GNG7: variants seen among roughly 807,000 people sequenced by gnomAD.
GNG7 encodes the protein G protein subunit gamma 7, also known as guanine nucleotide-binding protein G(I)/G(S)/G(O) subunit gamma-7.
GNG7 carries 1 observed loss-of-function variant against 4.0 expected under a neutral mutation model. The observed-to-expected ratio is 0.25, with a 90% CI of 0.09 to 1.18. The LOEUF (loss-of-function observed/expected upper bound fraction) is 1.18, where lower values mean the gene tolerates loss of function less well. GNG7 is among the 50% of genes most tolerant of loss of function. GNG7 has a pLI of 0.50. For synonymous variants in GNG7, 34 were observed against 36.9 expected (o/e 0.92, Z 0.29); for missense variants, 86 against 91.9 (o/e 0.94, Z 0.26).
intron 2 of GNG7, among the ~76,000 whole-genome samples, chr19:2,630,191 T>G (rs959294741): frequency 1.3e-4 from 20 of 152,276 alleles, no homozygotes; most frequent in African/African-American, 4.6e-4. Flanking sequence ...GTGAAGGTCC[T>G]GCTGATTCGG....
intron 3 of GNG7, among the ~76,000 whole-genome samples, chr19:2,553,578 C>A (rs917376704): frequency 2.7e-5 from 4 of 148,972 alleles, no homozygotes; most frequent in South Asian, 2.1e-4. Flanking sequence ...TAAATCATAT[C>A]ACATACACGC....
intron 3 of GNG7, among the ~76,000 whole-genome samples, chr19:2,545,521 C>A (rs1279856309): frequency 6.6e-6 from 1 of 151,668 alleles, no homozygotes; most frequent in Admixed American, 6.6e-5. Flanking sequence ...CATGGTAGCG[C>A]ATGCCTGTAA....
rs1982894355 is a variant in GNG7, at chr19:2,653,946, C to T, written c.-134-7666G>A. Reference sequence around the variant, plus strand: ...ACAGCTCTCGCCTGCCTCGGCGAGCCCGGGTTCCAGAAGATGTGCCCAGCA... The same window carrying T: ...ACAGCTCTCGCCTGCCTCGGCGAGCTCGGGTTCCAGAAGATGTGCCCAGCA... On this transcript the variant is annotated intron_variant, in intron 1 of 4. Coordinates refer to ENST00000382159, the MANE Select transcript of GNG7 (RefSeq NM_052847.3). This position sits in a 1 kb window ranked among gnomAD's most constrained non-coding sequence, Gnocchi z 4.8. Among the ~76,000 whole-genome samples the T allele has an allele frequency of 6.6e-6, 1 of 152,206 alleles. No homozygotes were observed. The highest frequency in any genetic ancestry group is 1.5e-5 in the Non-Finnish European group (1 of 68,028).
chr19:2,558,083 C>T lies in GNG7; in HGVS notation c.-77-2895G>A, dbSNP rs1055816715. 5.9e-5 allele frequency among the ~76,000 whole-genome samples: 9 copies of T among 152,040 alleles called. No homozygotes were observed. In the East Asian group the frequency reaches 1.7e-3, roughly 29 times the overall value. Reference sequence around the variant, plus strand: ...GCCTTGATCTCCTGACCTCGTGATCCGCCCACCTCGGCCTCCGAAAGTGCT... The same window carrying T: ...GCCTTGATCTCCTGACCTCGTGATCTGCCCACCTCGGCCTCCGAAAGTGCT... On this transcript the variant is annotated intron_variant, in intron 2 of 4. Coordinates refer to ENST00000382159, the MANE Select transcript of GNG7 (RefSeq NM_052847.3).
In GNG7 at chr19:2,518,048, C is replaced by A. The variant is rs558105006; in HGVS notation, c.81+2560G>T. 3.3e-5 allele frequency among the ~76,000 whole-genome samples: 5 copies of A among 152,320 alleles called. No homozygotes were observed. The South Asian group carries it at 1.0e-3, about 32-fold the overall frequency. On this transcript the variant is annotated intron_variant, in intron 4 of 4. Coordinates refer to ENST00000382159, the MANE Select transcript of GNG7 (RefSeq NM_052847.3). ...CGGCCCTCCTGGACGACAGAAATAG[C>A]CTCCAGACCCCGAAAATAGCTGGCA...
At chr19:2,544,599 C>G (rs559795166) in intron 3 of GNG7, among the ~76,000 whole-genome samples, 1 of 152,194 alleles carries the variant, frequency 6.6e-6, no homozygotes, top group Non-Finnish European at 1.5e-5. Context: ...CCATGTTGGC[C>G]AGGTTGGTCT....
At chr19:2,560,997 C>T (rs1979726516) in intron 2 of GNG7, among the ~76,000 whole-genome samples, 1 of 151,330 alleles carries the variant, frequency 6.6e-6, no homozygotes, top group Non-Finnish European at 1.5e-5. Context: ...CAGTTGAATG[C>T]AATTTCTGCT....
intron 2 of GNG7, among the ~76,000 whole-genome samples, chr19:2,599,885 T>G (rs1200021169): frequency 2.0e-5 from 3 of 149,750 alleles, no homozygotes; most frequent in Non-Finnish European, 4.4e-5. Flanking sequence ...TGCAGAGAGC[T>G]GAGATGGCGC....
intron 2 of GNG7, among the ~76,000 whole-genome samples, chr19:2,640,884 C>T (rs1388546439): frequency 1.3e-5 from 2 of 152,210 alleles, no homozygotes; most frequent in Admixed American, 6.5e-5. Flanking sequence ...CCGCCTTGGC[C>T]TCCCAAAGTG....
At chr19:2,674,829 G>C (rs927053971) in intron 1 of GNG7, among the ~76,000 whole-genome samples, 16 of 152,156 alleles carry the variant, frequency 1.1e-4, no homozygotes, top group Admixed American at 4.6e-4. Flanking sequence ...TGTGATGGTC[G>C]TAACTCGCAT....
At chr19:2,538,103 A>AACAAC (rs1033897118) in intron 3 of GNG7, 6 of 455,004 alleles carry the variant, frequency 1.3e-5, no homozygotes, top group African/African-American at 6.0e-5. Context: ...AACAAAACAA[A>AACAAC]ACAACAATGA....
rs34389468 is a variant in GNG7 at position 2,662,280 on chromosome 19, A to AAAAAG, written c.-134-16001_-134-16000insCTTTT. Among the ~76,000 whole-genome samples, 3 of 143,084 alleles carry AAAAAG rather than the reference A, an allele frequency of 2.1e-5. 1 individual carries two copies. The highest frequency in any genetic ancestry group is 1.5e-5 in the Non-Finnish European group (1 of 66,088). The allele number at this position is 143,084 out of a possible 152,430, so 93.9% of individuals were successfully genotyped here. On this transcript the variant is annotated intron_variant, in intron 1 of 4. Transcript: ENST00000382159. ...ATCTCAAAAAAAAAAAAAAAAAAAA[A>AAAAAG]TCAACCCAAGATATTTCTGTGACCA...
chr19:2,656,318 G>GT (rs1982972096), intron 1 of GNG7, among the ~76,000 whole-genome samples: 1 of 152,138 alleles, frequency 6.6e-6, no homozygotes, highest in Non-Finnish European at 1.5e-5. Flanking sequence ...TACAGAAAAT[G>GT]TGAGGCCGGG....
At chr19:2,600,145 TA>T (rs2144811114) in intron 2 of GNG7, among the ~76,000 whole-genome samples, 1 of 152,058 alleles carries the variant, frequency 6.6e-6, no homozygotes, top group South Asian at 2.1e-4. Context: ...AGCTTGTGTT[TA>T]TGTAGATTTT....
chr19:2,560,971 A>T (rs949951056), intron 2 of GNG7, among the ~76,000 whole-genome samples: 2 of 151,918 alleles, frequency 1.3e-5, no homozygotes, highest in African/African-American at 4.8e-5. Context: ...AAAAAAAAAA[A>T]AATTATTTGG....
At chr19:2,519,591 T>A (rs546305231) in intron 4 of GNG7, among the ~76,000 whole-genome samples, 1 of 104,902 alleles carries the variant, frequency 9.5e-6, no homozygotes, top group Non-Finnish European at 1.9e-5. Context: ...GTGCCTCACA[T>A]GCAAAATTTT....
At position 2,641,168 on chromosome 19, in the gene GNG7, C is replaced by T. The variant is rs74556219; in HGVS notation, c.-78+5056G>A. On this transcript the variant is annotated intron_variant, in intron 2 of 4. Coordinates refer to ENST00000382159, the MANE Select transcript of GNG7 (RefSeq NM_052847.3). Reference sequence around the variant, plus strand: ...GGCCAGAGTTGCGCCCGGCAGATCCCCACGGGGAGCCTCTTCCTCTCTCCT... The same window carrying T: ...GGCCAGAGTTGCGCCCGGCAGATCCTCACGGGGAGCCTCTTCCTCTCTCCT... 8.9e-3 allele frequency among the ~76,000 whole-genome samples: 1,355 copies of T among 152,232 alleles called. 20 individuals are homozygous for T. The highest frequency in any genetic ancestry group is 0.031 in the African/African-American group (1,281 of 41,524).
intron 2 of GNG7, among the ~76,000 whole-genome samples, chr19:2,567,867 A>G (rs989312206): frequency 2.0e-5 from 3 of 152,092 alleles, no homozygotes; most frequent in African/African-American, 7.2e-5. Context: ...CAGGGAAGTC[A>G]CCCATCTGTT....
At chr19:2,547,999 G>A (rs73516683) in intron 3 of GNG7, among the ~76,000 whole-genome samples, 4,232 of 152,244 alleles carry the variant, frequency 0.028, 195 homozygotes, top group African/African-American at 0.097. Flanking sequence ...GCTGTGGCCC[G>A]TGGGCTCCAG....
Sources: allele counts gnomAD v4.1 joint callset (sites outside exome capture counted in the v4.1 genomes callset), GRCh38; gene constraint gnomAD v4.1.1; non-coding constraint Gnocchi (gnomAD v3.1); transcripts MANE v1.5; gene names NCBI Gene and HGNC (gene_info 2026-07-23, HGNC 2026-07-21).